Variants in TOR1AIP2 observed in about 807,000 individuals in gnomAD.
The protein encoded by TOR1AIP2 is torsin-1A-interacting protein 2.
Under a neutral mutation model 32.6 loss-of-function variants are expected in TOR1AIP2, and 20 were observed. That is an observed-to-expected ratio of 0.61 (90% CI 0.43 to 0.89). The LOEUF (loss-of-function observed/expected upper bound fraction) is 0.89. Ranked by LOEUF, TOR1AIP2 falls within the 40% of genes least tolerant of loss-of-function variation. The pLI is 0.00. For synonymous variants in TOR1AIP2, 214 were observed against 210.8 expected, an observed-to-expected ratio of 1.02 and a Z score of -0.13; for missense variants, 456 against 553.8, an observed-to-expected ratio of 0.82 and a Z score of 1.77.
chr1:179,850,684 T>G (rs192764732), intron 5 of TOR1AIP2, among the ~76,000 whole-genome samples, 161 bp downstream of exon 5: 160 of 152,360 alleles, frequency 1.1e-3, no homozygotes, highest in African/African-American at 3.7e-3. Flanking sequence ...CATTCTAAAA[T>G]CAACTCAGTC....
chr1:179,863,236 A>AAAAG (rs1696625915), intron 3 of TOR1AIP2: 1 of 984,714 alleles, frequency 1.0e-6, no homozygotes, highest in Non-Finnish European at 1.2e-6. Context: ...AAAAAAAAAA[A>AAAAG]AAAAAAAAAA....
At chr1:179,865,016 G>C in intron 3 of TOR1AIP2, 1 of 1,614,012 alleles carries the variant, frequency 6.2e-7, no homozygotes, top group Non-Finnish European at 8.5e-7. Context: ...AGGATTATCA[G>C]GATAACACTC....
Position 179,873,188 on chromosome 1 carries a change from G to A in TOR1AIP2, c.-566+4051C>T, listed in dbSNP as rs761086805. ...AATACTGGTCAGTTATTTTGGGTTC[G>A]GTGTTTTTTGTTTTTAAAAATAGAC... On this transcript the variant is annotated intron_variant, in intron 2 of 6. Transcript: ENST00000609928. Among the ~76,000 whole-genome samples the A allele has an allele frequency of 2.3e-4, 35 of 152,064 alleles. 1 individual carries two copies. Among genetic ancestry groups the A allele is most frequent in the East Asian group, 3.9e-4 (2 of 5,174 alleles).
intron 3 of TOR1AIP2, among the ~76,000 whole-genome samples, chr1:179,855,100 A>C (rs1696250568): frequency 6.6e-6 from 1 of 152,212 alleles, no homozygotes; most frequent in Non-Finnish European, 1.5e-5. Context: ...TCATATAAAA[A>C]TCAACTCCAG....
chr1:179,859,712 G>T, intron 3 of TOR1AIP2: 1 of 985,402 alleles, frequency 1.0e-6, no homozygotes, highest in Non-Finnish European at 1.2e-6. Context: ...TCTGCCTTCG[G>T]TCATCCATCC....
intron 6 of TOR1AIP2, 44 bp from the exon 7 acceptor site, chr1:179,846,872 G>C (rs370139344): frequency 6.6e-7 from 1 of 1,526,016 alleles, no homozygotes; most frequent in Non-Finnish European, 8.8e-7. Flanking sequence ...CAGAGAACAC[G>C]AGCCAGAAAC....
At chr1:179,863,534 A>G (rs944136564) in intron 3 of TOR1AIP2, 1 of 985,156 alleles carries the variant, frequency 1.0e-6, no homozygotes, top group African/African-American at 1.7e-5. Flanking sequence ...ATAAAAAGCA[A>G]ACATGGATCC....
In TOR1AIP2 at chr1:179,845,782, T is replaced by A; in HGVS notation, c.*289A>T. On this transcript the variant is annotated 3_prime_UTR_variant, in exon 7 of 7. Coordinates refer to ENST00000609928, the MANE Select transcript of TOR1AIP2 (RefSeq NM_001199260.2). Reference sequence around the variant, plus strand: ...AGTAAGAGTATCTTCCTGTGCAATGTTGCTATATTTTAGAATTTAAAAAAA... The same window carrying A: ...AGTAAGAGTATCTTCCTGTGCAATGATGCTATATTTTAGAATTTAAAAAAA... 1 of 291,946 alleles carries A rather than the reference T, an allele frequency of 3.4e-6. No individual in the cohort carries two copies. The highest frequency in any genetic ancestry group is 6.3e-6 in the Non-Finnish European group (1 of 158,872). 18.1% of individuals were successfully genotyped at this position (291,946 alleles called of 1,614,324 possible).
chr1:179,874,583 C>T (rs1053918192), intron 2 of TOR1AIP2: 3 of 151,898 alleles, frequency 2.0e-5, no homozygotes, highest in African/African-American at 7.3e-5. Flanking sequence ...GGCAACATAT[C>T]GAGACCTTGT....
rs867493258 is a variant in TOR1AIP2, at chr1:179,863,422, A to G, written c.-147+2014T>C. The G allele has an allele frequency of 1.2e-5, 12 of 985,150 alleles. No homozygotes were observed. In the African/African-American group the frequency reaches 1.6e-4, roughly 13 times the overall value. The allele number at this position is 985,150 out of a possible 1,614,324, so 61.0% of individuals were successfully genotyped here. On this transcript the variant is annotated intron_variant, in intron 3 of 6. Coordinates refer to ENST00000609928, the MANE Select transcript of TOR1AIP2 (RefSeq NM_001199260.2). ...GATTCCCAAATAAAACACTGACTTG[A>G]AAGAAAGCCTTTTGCTCTCTACTTC...
intron 3 of TOR1AIP2, among the ~76,000 whole-genome samples, chr1:179,858,772 G>T (rs1014278542): frequency 1.3e-5 from 2 of 152,132 alleles, no homozygotes; most frequent in African/African-American, 4.8e-5. Flanking sequence ...AGAGCAAAAG[G>T]ACCTTACCCA....
rs144016272 is a variant in TOR1AIP2 at position 179,845,861 on chromosome 1, G to C, written c.*210C>G. 87 of 512,970 alleles carry C rather than the reference G, an allele frequency of 1.7e-4. 1 individual carries two copies. In the East Asian group the frequency reaches 2.7e-3, roughly 16 times the overall value. 31.8% of individuals were successfully genotyped at this position (512,970 alleles called of 1,614,324 possible). On this transcript the variant is annotated 3_prime_UTR_variant, in exon 7 of 7. Transcript: ENST00000609928. ...ACCTGATTTGGTCCAAAGAAAAAAA[G>C]TCAGGTTAATTTTTAGCTTTGTCAA...
rs1313341826 is a variant in TOR1AIP2 at position 179,840,194 on chromosome 1, A to G, written c.*5877T>C. On this transcript the variant is annotated 3_prime_UTR_variant, in exon 7 of 7. Coordinates refer to ENST00000609928, the MANE Select transcript of TOR1AIP2 (RefSeq NM_001199260.2). ...GTCAGTGTGCTGTTTCTTTTATGAC[A>G]GGAAAGGCAAATAGATTTAAATTTC... The G allele has an allele frequency of 6.6e-6, 1 of 152,244 alleles. No individual in the cohort carries two copies. Among genetic ancestry groups the G allele is most frequent in the Non-Finnish European group, 1.5e-5 (1 of 68,044 alleles). The allele number at this position is 152,244 out of a possible 1,614,324, so 9.4% of individuals were successfully genotyped here.
At chr1:179,864,505 G>A (rs1231784756) in intron 3 of TOR1AIP2, 1 of 1,136,566 alleles carries the variant, frequency 8.8e-7, no homozygotes, top group South Asian at 3.4e-5. Context: ...TTTTTTAGGA[G>A]TGGTAAGTTA....
intron 3 of TOR1AIP2, among the ~76,000 whole-genome samples, chr1:179,853,982 C>T (rs1696207165): frequency 6.6e-6 from 1 of 152,130 alleles, no homozygotes; most frequent in Admixed American, 6.6e-5. Flanking sequence ...ATGAAGTTTT[C>T]TCTCCTATCC....
intron 3 of TOR1AIP2, among the ~76,000 whole-genome samples, chr1:179,854,091 C>T (rs1186041196): frequency 6.6e-6 from 1 of 152,082 alleles, no homozygotes; most frequent in East Asian, 1.9e-4. Flanking sequence ...CTAAAAGTTT[C>T]CTATGTACCA....
intron 2 of TOR1AIP2, chr1:179,873,891 G>A (rs1032040089): frequency 3.9e-5 from 6 of 152,100 alleles, no homozygotes; most frequent in African/African-American, 7.3e-5. Flanking sequence ...GGGTCCTTTC[G>A]ACAAGGTCCC....
rs1368437275 is a variant in TOR1AIP2 at position 179,847,572 on chromosome 1, G to A, written c.618C>T (p.Thr206=). 6.2e-7 allele frequency: 1 copy of A among 1,613,878 alleles called. No homozygotes were observed. The highest frequency in any genetic ancestry group is 1.7e-5 in the Admixed American group (1 of 59,998). The change falls in exon 6 of 7, where the codon ACC becomes ACT. Residue 206 remains threonine (T), a synonymous_variant. Coordinates refer to ENST00000609928, the MANE Select transcript of TOR1AIP2 (RefSeq NM_001199260.2). The part of the protein sequence containing the change: ...LEEIKENAQD[T]MRQINKKGFW... ...AACCCTTTTTATTAATCTGTCTCAT[G>A]GTGTCCTGTGCATTCTCTTTAATTT...
intron 2 of TOR1AIP2, among the ~76,000 whole-genome samples, chr1:179,872,092 C>T (rs1429153888): frequency 2.0e-5 from 3 of 152,156 alleles, no homozygotes; most frequent in Non-Finnish European, 4.4e-5. Flanking sequence ...AAATATTACC[C>T]AAGGTTAGAA....
Sources: gnomAD v4.1 joint callset for allele counts (sites outside exome capture counted in the v4.1 genomes callset) on GRCh38, gnomAD v4.1.1 for gene constraint, MANE v1.5 for transcripts, NCBI Gene and HGNC (gene_info 2026-07-23, HGNC 2026-07-21) for gene names.